PHKB: variants seen among roughly 807,000 people sequenced by gnomAD.
PHKB encodes the protein phosphorylase kinase regulatory subunit beta, also known as phosphorylase b kinase regulatory subunit beta.
A neutral mutation model predicts 152.1 loss-of-function variants in PHKB; 122 were observed. That is an observed-to-expected ratio of 0.80 (90% confidence interval 0.69 to 0.93). The LOEUF (loss-of-function observed/expected upper bound fraction) is 0.93. PHKB is among the 40% of genes least tolerant of loss of function. The pLI is 0.00. For synonymous variants in PHKB, 436 were observed against 464.9 expected (o/e 0.94, Z 0.80); for missense variants, 1,304 against 1,328.4 (o/e 0.98, Z 0.29).
At chr16:47,629,334 A>G (rs1188076912) in intron 14 of PHKB, among the ~76,000 whole-genome samples, 1 of 152,074 alleles carries the variant, frequency 6.6e-6, no homozygotes. Flanking sequence ...CAAGAAAAAA[A>G]CAAACAACCC....
At chr16:47,481,332 A>G (rs1412957799) in intron 1 of PHKB, among the ~76,000 whole-genome samples, 1 of 152,216 alleles carries the variant, frequency 6.6e-6, no homozygotes, top group Non-Finnish European at 1.5e-5. Context: ...CTCATCTGAC[A>G]TAATTAATGC....
chr16:47,652,035 C>T (rs1597151851), intron 20 of PHKB, among the ~76,000 whole-genome samples: 1 of 151,756 alleles, frequency 6.6e-6, no homozygotes, highest in Non-Finnish European at 1.5e-5. Flanking sequence ...TAGAGGTTTT[C>T]TTTTTTTTCT....
intron 7 of PHKB, among the ~76,000 whole-genome samples, chr16:47,558,448 A>T (rs1352206768): frequency 1.3e-5 from 2 of 152,194 alleles, no homozygotes; most frequent in Non-Finnish European, 2.9e-5. Context: ...TGGGTTTCTA[A>T]ATAGCTTGCT....
chr16:47,567,748 AG>A (rs1419953023), intron 7 of PHKB, among the ~76,000 whole-genome samples: 2 of 152,210 alleles, frequency 1.3e-5, no homozygotes, highest in Non-Finnish European at 2.9e-5. Flanking sequence ...TTTATCATGA[AG>A]GGATGCTGGA....
chr16:47,487,963 G>C (rs1235175091), intron 1 of PHKB, among the ~76,000 whole-genome samples: 1 of 152,178 alleles, frequency 6.6e-6, no homozygotes, highest in Non-Finnish European at 1.5e-5. Flanking sequence ...CTCAGTGATG[G>C]GGTTGCTGGA....
At chr16:47,584,753 T>A (rs1447046473) in intron 8 of PHKB, among the ~76,000 whole-genome samples, 8 of 152,184 alleles carry the variant, frequency 5.3e-5, no homozygotes, top group Non-Finnish European at 1.0e-4. Context: ...TGTTCCAGAA[T>A]AAGAATGTGA....
chr16:47,631,330 T>A (rs1972822705), intron 14 of PHKB, among the ~76,000 whole-genome samples: 1 of 152,192 alleles, frequency 6.6e-6, no homozygotes, highest in Admixed American at 6.5e-5. Context: ...GTCACCTCAG[T>A]TTCCTCATCT....
At chr16:47,505,990 T>C (rs565240902) in intron 4 of PHKB, among the ~76,000 whole-genome samples, 8 of 148,370 alleles carry the variant, frequency 5.4e-5, no homozygotes, top group African/African-American at 2.0e-4. Context: ...TGAGATCTCA[T>C]TGCTTCCCAG....
At chr16:47,466,179 A>C (rs1184321512) in intron 1 of PHKB, among the ~76,000 whole-genome samples, 1 of 152,190 alleles carries the variant, frequency 6.6e-6, no homozygotes, top group Non-Finnish European at 1.5e-5. Flanking sequence ...GGTTGAAAGA[A>C]ATTTGTTTTG....
intron 8 of PHKB, among the ~76,000 whole-genome samples, chr16:47,581,236 G>A (rs1413312006): frequency 6.6e-6 from 1 of 152,152 alleles, no homozygotes; most frequent in Non-Finnish European, 1.5e-5. Context: ...GTTTTTAATT[G>A]TAGTATATTA....
chr16:47,632,894 G>A (rs748438012), intron 14 of PHKB, among the ~76,000 whole-genome samples: 4 of 152,130 alleles, frequency 2.6e-5, no homozygotes, highest in Admixed American at 2.6e-4. Flanking sequence ...TAGACATGCA[G>A]TGTCTTAATT....
chr16:47,567,718 T>C (rs915722248), intron 7 of PHKB, among the ~76,000 whole-genome samples: 4 of 152,244 alleles, frequency 2.6e-5, no homozygotes, highest in Admixed American at 2.6e-4. Context: ...ATTTCTTCTA[T>C]GCCTAGTTTG....
At chr16:47,560,136 A>T (rs1332908362) in intron 7 of PHKB, among the ~76,000 whole-genome samples, 2 of 152,208 alleles carry the variant, frequency 1.3e-5, no homozygotes, top group Admixed American at 1.3e-4. Flanking sequence ...TTGAAAAATC[A>T]GGGTAAATTG....
intron 14 of PHKB, among the ~76,000 whole-genome samples, chr16:47,621,413 GT>G (rs1972614945): frequency 6.6e-6 from 1 of 152,112 alleles, no homozygotes; most frequent in African/African-American, 2.4e-5. Context: ...CCTTTTTAAA[GT>G]TTTGTTCTAA....
chr16:47,615,936 T>C (rs1159976709), intron 14 of PHKB, among the ~76,000 whole-genome samples: 2 of 152,244 alleles, frequency 1.3e-5, no homozygotes, highest in African/African-American at 4.8e-5. Flanking sequence ...TACAATTCAC[T>C]AATTTAAAGC....
rs918942041 is a variant in PHKB at position 47,619,208 on chromosome 16, G to A, written c.1458+8288G>A. On this transcript the variant is annotated intron_variant, in intron 14 of 30. Transcript: ENST00000323584. ...TGTCAAGTGACAGAACCAATATGAAGGCGTTAACTGAAGAATGAAAGGAAG... is the reference window on the plus strand; with the variant it reads ...TGTCAAGTGACAGAACCAATATGAAAGCGTTAACTGAAGAATGAAAGGAAG... 3.3e-5 allele frequency: 5 copies of A among 152,262 alleles called. No homozygotes were observed. The East Asian group carries it at 5.8e-4, about 18-fold the overall frequency. 9.4% of individuals were successfully genotyped at this position (152,262 alleles called of 1,614,324 possible).
At chr16:47,660,076 A>G (rs538998369) in intron 20 of PHKB, among the ~76,000 whole-genome samples, 1 of 152,232 alleles carries the variant, frequency 6.6e-6, no homozygotes, top group South Asian at 2.1e-4. Flanking sequence ...GACAGCCAAG[A>G]TAGTCTTGAT....
rs1483738381 is a variant in PHKB, at chr16:47,461,418, A to G, written c.68A>G (p.Lys23Arg). Residue 23 changes from lysine to arginine, a missense_variant, in exon 1 of 31, where the codon AAG (lysine) becomes AGG (arginine). Physicochemically the swap from Lys to Arg is conservative, Grantham distance 26. Transcript: ENST00000323584. ...GTCTTGGAGCGAAGAGCTCGGACCA[A>G]GCGCTCAGGTTTGGCTGGCTGGGGC... ...WKVLERRART[K>R]RSGSVYEPLK... The G allele has an allele frequency of 6.2e-7, 1 of 1,613,176 alleles. No individual in the cohort carries two copies. Among genetic ancestry groups the G allele is most frequent in the African/African-American group, 1.3e-5 (1 of 74,914 alleles).
At chr16:47,504,616 A>T (rs1439992288) in intron 4 of PHKB, among the ~76,000 whole-genome samples, 1 of 152,228 alleles carries the variant, frequency 6.6e-6, no homozygotes, top group Non-Finnish European at 1.5e-5. Flanking sequence ...ACTGGTTTCC[A>T]GTCTGCTTCC....
Sources: gnomAD v4.1 joint callset for allele counts (sites outside exome capture counted in the v4.1 genomes callset) on GRCh38, gnomAD v4.1.1 for gene constraint, MANE v1.5 for transcripts, NCBI Gene and HGNC (gene_info 2026-07-23, HGNC 2026-07-21) for gene names.